Variants in UNC13A observed in about 807,000 individuals in gnomAD.
UNC13A encodes the protein protein unc-13 homolog A.
Under a neutral mutation model 219.7 loss-of-function variants are expected in UNC13A, and 61 were observed. That is an observed-to-expected ratio of 0.28 (90% CI 0.23 to 0.34). UNC13A has a LOEUF of 0.34. UNC13A is among the 10% of genes least tolerant of loss of function. The pLI is 1.00. For synonymous variants in UNC13A, 920 were observed against 884.6 expected (o/e 1.04, Z -0.71); for missense variants, 1,476 against 2,270.3 (o/e 0.65, Z 7.11).
At chr19:17,640,790 A>C (rs1319436167) in intron 21 of UNC13A, 129 bp from the exon 22 acceptor site, 1 of 1,026,358 alleles carries the variant, frequency 9.7e-7, no homozygotes, top group African/African-American at 1.7e-5. Context: ...CCCCTGCCTG[A>C]TTCTGTCCTT....
At chr19:17,619,017 C>T in intron 38 of UNC13A, 55 bp from the exon 39 acceptor site, 4 of 1,550,690 alleles carry the variant, frequency 2.6e-6, no homozygotes, top group South Asian at 2.2e-5. Context: ...GCTGACACTC[C>T]AGCCCCAGAG....
rs2079653322 is a variant in UNC13A at position 17,666,678 on chromosome 19, C to G, written c.495G>C (p.Lys165Asn). The change falls in exon 7 of 44, where the codon AAG becomes AAC. Residue 165 changes from lysine to asparagine, a missense_variant. Transcript: ENST00000519716. The stretch of plus-strand genomic sequence containing the variant: ...ACTGGTTGCTGGGGACAGGCAGAGG[C>G]TTGTCTTGCTCATCTTGGAACGAAT... ...DEYSFQDEQD[K>N]PLPVPSNQCC... The G allele has an allele frequency of 6.5e-7, 1 of 1,528,736 alleles. No homozygotes were observed. Among genetic ancestry groups the G allele is most frequent in the Non-Finnish European group, 8.8e-7 (1 of 1,136,446 alleles). 94.7% of individuals were successfully genotyped at this position (1,528,736 alleles called of 1,614,324 possible). A position where few individuals can be genotyped will look rare whatever the true frequency, so the allele number is the denominator to read the frequency against.
rs181777333 is a variant in UNC13A, at chr19:17,675,922, A to G, written c.52+90T>C. ...CTCAGAAGACATAAAGCCCAACTCT[A>G]AGTCTGGGCTGGGACCCCCTCCCAG... On this transcript the variant is annotated intron_variant, in intron 2 of 43. Transcript: ENST00000519716. 1.9e-4 allele frequency: 276 copies of G among 1,480,298 alleles called. 1 individual carries two copies. In the East Asian group the frequency reaches 2.8e-3, roughly 15 times the overall value. The allele number at this position is 1,480,298 out of a possible 1,614,324, so 91.7% of individuals were successfully genotyped here. A position where few individuals can be genotyped will look rare whatever the true frequency, so the allele number is the denominator to read the frequency against.
chr19:17,607,384 C>G (rs2076543314), intron 43 of UNC13A, among the ~76,000 whole-genome samples: 1 of 147,836 alleles, frequency 6.8e-6, no homozygotes, highest in Non-Finnish European at 1.5e-5. Context: ...GCCTCAGCCT[C>G]CCTAGTAGCT....
chr19:17,633,956 CCTATCCATCTAT>C (rs2076885306), intron 26 of UNC13A, among the ~76,000 whole-genome samples: 1 of 150,686 alleles, frequency 6.6e-6, no homozygotes. Context: ...CATCCGTTCA[CCTATCCATCTAT>C]CTATTCATCT....
At chr19:17,647,736 A>C (rs977819298) in intron 16 of UNC13A, among the ~76,000 whole-genome samples, 4 of 148,440 alleles carry the variant, frequency 2.7e-5, no homozygotes, top group Admixed American at 6.7e-5. Context: ...CACCCCTTGG[A>C]GTCCCCACTG....
Position 17,648,525 on chromosome 19 carries a change from C to A in UNC13A, c.1722G>T (p.Leu574=), listed in dbSNP as rs2079285620. ...GCATGCCCTGCCTCGCGATGCCCCA[C>A]AGCAGCCCCTCGCACTCGTAGCAGT... ...PTYCYECEGL[L]WGIARQGMRC... Residue 574 remains leucine (L), a synonymous_variant, in exon 16 of 44, where the codon CTG becomes CTT. Transcript: ENST00000519716. 1.2e-6 allele frequency: 2 copies of A among 1,613,966 alleles called. No homozygotes were observed. The highest frequency in any genetic ancestry group is 1.7e-6 in the Non-Finnish European group (2 of 1,180,032).
rs1022665698 is a variant in UNC13A, at chr19:17,606,086, C to A, written c.5080G>T (p.Ala1694Ser). The change falls in exon 44 of 44, where the codon GCC (alanine) becomes TCC (serine). Residue 1694 changes from alanine to serine, a missense_variant. Coordinates refer to ENST00000519716, the MANE Select transcript of UNC13A (RefSeq NM_001080421.3). ...FVKLKSDTRS[A>S]EEGGAAPAP is the part of the protein sequence containing the mutation. ...GCAGGCGCGGCACCGCCCTCCTCGG[C>A]GGAGCGCGTGTCCGACTTGAGCTTC... The A allele has an allele frequency of 1.9e-6, 3 of 1,588,988 alleles. No individual in the cohort carries two copies. The highest frequency in any genetic ancestry group is 2.3e-5 in the South Asian group (2 of 88,350).
intron 28 of UNC13A, among the ~76,000 whole-genome samples, chr19:17,632,429 C>A (rs1233018974): frequency 2.6e-5 from 4 of 152,234 alleles, no homozygotes; most frequent in African/African-American, 9.6e-5. Context: ...CTGCCTCAGT[C>A]TCCCAGATTG....
rs1555777710 is a variant in UNC13A, at chr19:17,621,849, C to T, written c.4225G>A (p.Gly1409Ser). 1.2e-6 allele frequency: 2 copies of T among 1,613,946 alleles called. No individual in the cohort carries two copies. Among genetic ancestry groups the T allele is most frequent in the Non-Finnish European group, 1.7e-6 (2 of 1,179,876 alleles). The change falls in exon 37 of 44, where the codon GGC becomes AGC. Residue 1409 changes from glycine (G) to serine (S), a missense_variant. Physicochemically the swap from Gly to Ser is moderately conservative, Grantham distance 56 (BLOSUM62 0). Transcript: ENST00000519716. ...CTCATTACCTTTTCTAATCCCTTGC[C>T]ATGTTTTCTCAAGAGGTTCCCCTGC... ...TMIGNLLRKHGKGLEKGRVKL... is the reference protein window; with the variant it reads ...TMIGNLLRKHSKGLEKGRVKL...
chr19:17,618,473 C>A lies in UNC13A; in HGVS notation c.4358G>T (p.Ser1453Ile). 1 of 1,593,230 alleles carries A rather than the reference C, an allele frequency of 6.3e-7. No homozygotes were observed. The highest frequency in any genetic ancestry group is 8.5e-7 in the Non-Finnish European group (1 of 1,169,648). Residue 1453 changes from serine to isoleucine, a missense_variant, in exon 40 of 44, where the codon AGC (serine) becomes ATC (isoleucine). Coordinates refer to ENST00000519716, the MANE Select transcript of UNC13A (RefSeq NM_001080421.3). The part of the protein sequence containing the change: ...KDHMVREEAK[S>I]LTPKQCAVVE... ...AACCGCGCACTGCTTTGGGGTCAAG[C>A]TCTTGGCTTCTTCTCGTACCATGTG...
At chr19:17,611,616 A>G (rs1033357930) in intron 42 of UNC13A, 147 bp downstream of exon 42, 6 of 641,970 alleles carry the variant, frequency 9.3e-6, no homozygotes, top group African/African-American at 9.0e-5. Flanking sequence ...TGCTGGATCC[A>G]GCCATGCCTG....
intron 41 of UNC13A, among the ~76,000 whole-genome samples, chr19:17,612,427 T>C (rs564960013): frequency 6.6e-6 from 1 of 152,318 alleles, no homozygotes; most frequent in African/African-American, 2.4e-5. Context: ...CAGAGCCATG[T>C]CTTTTCCCTG....
Position 17,652,612 on chromosome 19 carries a change from TCA to T in UNC13A, c.1439+17_1439+18del, listed in dbSNP as rs2079370092. ...GGGGTTCAAATCTTCCTCCCACCGCTCACAGTTTCATTACTTACCCGCCTTTG... is the reference window on the plus strand; with the variant it reads ...GGGGTTCAAATCTTCCTCCCACCGCTCAGTTTCATTACTTACCCGCCTTTG... On this transcript the variant is annotated intron_variant, in intron 12 of 43. Transcript: ENST00000519716. The T allele has an allele frequency of 1.2e-6, 2 of 1,613,750 alleles. No individual in the cohort carries two copies. The highest frequency in any genetic ancestry group is 1.7e-6 in the Non-Finnish European group (2 of 1,179,758).
chr19:17,680,896 T>C (rs1266622502), intron 1 of UNC13A, among the ~76,000 whole-genome samples: 21 of 101,228 alleles, frequency 2.1e-4, no homozygotes, highest in Admixed American at 3.8e-4. Context: ...TTTCTTTTTT[T>C]TTTTTTTTTT....
intron 1 of UNC13A, among the ~76,000 whole-genome samples, chr19:17,679,078 G>GTCTT (rs2145923451): frequency 6.6e-6 from 1 of 152,142 alleles, no homozygotes; most frequent in South Asian, 2.1e-4. Context: ...GGGCAATGTA[G>GTCTT]TAAGATCCCA....
intron 3 of UNC13A, among the ~76,000 whole-genome samples, chr19:17,673,586 G>A (rs904871250): frequency 3.3e-5 from 5 of 151,516 alleles, no homozygotes; most frequent in Non-Finnish European, 5.9e-5. Context: ...CCAGCTACTC[G>A]GGAGGCTAAG....
In UNC13A at chr19:17,601,822, G is replaced by A. The variant is rs533656354; in HGVS notation, c.*4232C>T. The A allele has an allele frequency of 1.3e-5, 2 of 152,610 alleles. No individual in the cohort carries two copies. Among genetic ancestry groups the A allele is most frequent in the Non-Finnish European group, 2.9e-5 (2 of 68,044 alleles). The allele number at this position is 152,610 out of a possible 1,614,324, so 9.5% of individuals were successfully genotyped here. ...TTGATTTTTCTCTGAAACAATAAAAGGCAAAGAGAAAAGCAACACGTGTCA... is the reference window on the plus strand; with the variant it reads ...TTGATTTTTCTCTGAAACAATAAAAAGCAAAGAGAAAAGCAACACGTGTCA... On this transcript the variant is annotated 3_prime_UTR_variant, in exon 44 of 44. Coordinates refer to ENST00000519716, the MANE Select transcript of UNC13A (RefSeq NM_001080421.3).
chr19:17,605,029 C>T lies in UNC13A; in HGVS notation c.*1025G>A, dbSNP rs1050727846. The T allele has an allele frequency of 3.9e-5, 6 of 152,578 alleles. No homozygotes were observed. Among genetic ancestry groups the T allele is most frequent in the Non-Finnish European group, 7.3e-5 (5 of 68,046 alleles). 9.5% of individuals were successfully genotyped at this position (152,578 alleles called of 1,614,324 possible). On this transcript the variant is annotated 3_prime_UTR_variant, in exon 44 of 44. Coordinates refer to ENST00000519716, the MANE Select transcript of UNC13A (RefSeq NM_001080421.3). Reference sequence around the variant, plus strand: ...TTGTGGTGGGAGGCCCTCATGGCATCCCCCATGGAGATCCCAGGAGAAAGG... The same window carrying T: ...TTGTGGTGGGAGGCCCTCATGGCATTCCCCATGGAGATCCCAGGAGAAAGG...
Sources: allele counts gnomAD v4.1 joint callset (sites outside exome capture counted in the v4.1 genomes callset), GRCh38; gene constraint gnomAD v4.1.1; transcripts MANE v1.5; gene names NCBI Gene and HGNC (gene_info 2026-07-23, HGNC 2026-07-21).